Variants in NFIB observed in about 807,000 individuals in gnomAD.
The protein encoded by NFIB is nuclear factor 1 B-type.
NFIB carries 11 observed loss-of-function variants against 61.5 expected under a neutral mutation model. The ratio of observed to expected loss-of-function variants is 0.18; its 90% CI spans 0.11 to 0.30. NFIB has a LOEUF of 0.30. Ranked by LOEUF, NFIB falls within the 10% of genes least tolerant of loss-of-function variation. The pLI is 1.00. For synonymous variants in NFIB, 260 were observed against 216.5 expected, an observed-to-expected ratio of 1.20 and a Z score of -1.76; for missense variants, 471 against 608.9, an observed-to-expected ratio of 0.77 and a Z score of 2.38.
intron 6 of NFIB, among the ~76,000 whole-genome samples, chr9:14,129,453 A>G (rs997223255): frequency 1.3e-5 from 2 of 151,882 alleles, no homozygotes; most frequent in African/African-American, 4.8e-5. Flanking sequence ...GGGAAATAAA[A>G]GATCAATTAT....
intron 2 of NFIB, among the ~76,000 whole-genome samples, chr9:14,229,052 G>C (rs1450545077): frequency 1.3e-5 from 2 of 150,208 alleles, no homozygotes; most frequent in Middle Eastern, 3.4e-3. Context: ...CAGTAGTAGA[G>C]AAATTCACTT....
At chr9:14,283,384 A>G (rs2058504530) in intron 2 of NFIB, among the ~76,000 whole-genome samples, 1 of 152,240 alleles carries the variant, frequency 6.6e-6, no homozygotes, top group East Asian at 1.9e-4. Context: ...GTAAAATGCA[A>G]GCATACTAGT....
At chr9:14,197,825 T>G (rs1334769525) in intron 2 of NFIB, among the ~76,000 whole-genome samples, 2 of 152,134 alleles carry the variant, frequency 1.3e-5, no homozygotes, top group African/African-American at 4.8e-5. Flanking sequence ...GTTAATCTGG[T>G]CCTCACTCTA....
the NFIB span, among the ~76,000 whole-genome samples, chr9:14,527,476 G>T: frequency 6.1e-3 from 927 of 152,252 alleles, 13 homozygotes; most frequent in African/African-American, 0.021. Context: ...AATCTGCAAA[G>T]GTATTATAAT....
At chr9:14,343,733 C>T (rs2060981338) in intron 1 of NFIB, among the ~76,000 whole-genome samples, 1 of 150,596 alleles carries the variant, frequency 6.6e-6, no homozygotes, top group Non-Finnish European at 1.5e-5. Flanking sequence ...AGGGGGCTGG[C>T]CACAAGAGAG....
At position 14,082,490 on chromosome 9, in the gene NFIB, G is replaced by A. The variant is rs1358738528; in HGVS notation, c.*5819C>T. On this transcript the variant is annotated 3_prime_UTR_variant, in exon 11 of 11. Coordinates refer to ENST00000380953, the MANE Select transcript of NFIB (RefSeq NM_001190737.2). ...CAGCTTGATGAAGACATAATCTACT[G>A]CAGCTTTGAGAAACCTATGCCTGGG... 2.4e-5 allele frequency: 5 copies of A among 204,876 alleles called. No homozygotes were observed. The highest frequency in any genetic ancestry group is 5.0e-5 in the Non-Finnish European group (5 of 99,894). The allele number at this position is 204,876 out of a possible 1,614,324, so 12.7% of individuals were successfully genotyped here.
chr9:14,440,859 A>G, the NFIB span, among the ~76,000 whole-genome samples: 7 of 152,128 alleles, frequency 4.6e-5, no homozygotes, highest in African/African-American at 1.4e-4. Flanking sequence ...AGAATAATAA[A>G]CCTGCTCTTT....
chr9:14,203,292 C>A (rs1055050151), intron 2 of NFIB, among the ~76,000 whole-genome samples: 1 of 152,066 alleles, frequency 6.6e-6, no homozygotes, highest in African/African-American at 2.4e-5. Flanking sequence ...GGATGGAAAA[C>A]CCCTCAAAAA....
chr9:14,150,279 C>T lies in NFIB; in HGVS notation c.686-14G>A. On this transcript the variant is annotated splice_polypyrimidine_tract_variant and intron_variant, in intron 4 of 10. Coordinates refer to ENST00000380953, the MANE Select transcript of NFIB (RefSeq NM_001190737.2). The stretch of plus-strand genomic sequence containing the variant: ...GGGTTATGGGCGCTGAGGAATAAGA[C>T]AAAGAAGCACTGGGAATGACATTCG... 1 of 1,612,958 alleles carries T rather than the reference C, an allele frequency of 6.2e-7. No individual in the cohort carries two copies. The highest frequency in any genetic ancestry group is 1.1e-5 in the South Asian group (1 of 91,038).
intron 2 of NFIB, among the ~76,000 whole-genome samples, chr9:14,207,186 T>A (rs1456466600): frequency 6.6e-6 from 1 of 152,050 alleles, no homozygotes; most frequent in African/African-American, 2.4e-5. Flanking sequence ...ATCCAACTAA[T>A]AACTGAAAAA....
At chr9:14,266,571 G>C (rs1427479265) in intron 2 of NFIB, among the ~76,000 whole-genome samples, 1 of 151,628 alleles carries the variant, frequency 6.6e-6, no homozygotes, top group Non-Finnish European at 1.5e-5. Context: ...CTCCAGCCTA[G>C]ACAATAGAGC....
At chr9:14,248,781 T>G (rs570121494) in intron 2 of NFIB, among the ~76,000 whole-genome samples, 1 of 152,190 alleles carries the variant, frequency 6.6e-6, no homozygotes, top group Non-Finnish European at 1.5e-5. Flanking sequence ...CAGGAACGTC[T>G]GCAGGGACTA....
the NFIB span, among the ~76,000 whole-genome samples, chr9:14,412,532 T>G: frequency 6.6e-6 from 1 of 152,252 alleles, no homozygotes; most frequent in Non-Finnish European, 1.5e-5. Flanking sequence ...CTGCTGCGAC[T>G]GGCCTCCCTA....
rs144064028 is a variant in NFIB at position 14,307,236 on chromosome 9, G to C, written c.315C>G (p.Val105=). Residue 105 remains valine (V), a synonymous_variant, in exon 2 of 11, where the codon GTC becomes GTG. Transcript: ENST00000380953. This position sits in a 1 kb window ranked among gnomAD's most constrained non-coding sequence, Gnocchi z 5.3. ...TACCCTTCTGGTCGGGATTGGATAA[G>C]ACACAGCACGGGTGCTTCTTGCCAG... The part of the protein sequence containing the change: ...TVTGKKHPCC[V]LSNPDQKGKI... 1.9e-6 allele frequency: 3 copies of C among 1,614,058 alleles called. No homozygotes were observed. Among genetic ancestry groups the C allele is most frequent in the South Asian group, 1.1e-5 (1 of 91,072 alleles).
At chr9:14,129,237 G>C (rs977632678) in intron 6 of NFIB, among the ~76,000 whole-genome samples, 9 of 152,074 alleles carry the variant, frequency 5.9e-5, no homozygotes, top group African/African-American at 2.2e-4. Flanking sequence ...GACAGGTGAA[G>C]AACGGTAGTA....
intron 2 of NFIB, among the ~76,000 whole-genome samples, chr9:14,180,953 A>G (rs1387910236): frequency 6.6e-6 from 1 of 152,202 alleles, no homozygotes; most frequent in African/African-American, 2.4e-5. Flanking sequence ...ATGTACTGCC[A>G]TATACTGACA....
chr9:14,346,686 G>C (rs1275317683), intron 1 of NFIB, among the ~76,000 whole-genome samples: 1 of 152,154 alleles, frequency 6.6e-6, no homozygotes, highest in Non-Finnish European at 1.5e-5. Context: ...GTTAATCCTA[G>C]ACAAAATAAA....
chr9:14,480,398 C>G, the NFIB span, among the ~76,000 whole-genome samples: 1 of 152,130 alleles, frequency 6.6e-6, no homozygotes, highest in Admixed American at 6.5e-5. Context: ...TATTCAGACT[C>G]CCCTCAAGAG....
At chr9:14,288,338 CAAT>C (rs2058851303) in intron 2 of NFIB, among the ~76,000 whole-genome samples, 1 of 144,646 alleles carries the variant, frequency 6.9e-6, no homozygotes. Context: ...TGTTACGATT[CAAT>C]AATAAAAAAG....
Sources: allele counts gnomAD v4.1 joint callset (sites outside exome capture counted in the v4.1 genomes callset), GRCh38; gene constraint gnomAD v4.1.1; non-coding constraint Gnocchi (gnomAD v3.1); transcripts MANE v1.5; gene names NCBI Gene and HGNC (gene_info 2026-07-23, HGNC 2026-07-21).